EEA1: variants seen among roughly 807,000 people sequenced by gnomAD.
The protein encoded by EEA1 is early endosome antigen 1, 162kD.
EEA1 carries 111 observed loss-of-function variants against 209.2 expected under a neutral mutation model. The observed-to-expected ratio is 0.53, with a 90% CI of 0.45 to 0.62. EEA1 has a LOEUF of 0.62. Among genes scored for constraint, EEA1 ranks in the 20% least tolerant of loss-of-function variants. The pLI is 0.00. For missense variants in EEA1, 1,343 were observed against 1,530.8 expected (o/e 0.88, Z 2.05); for synonymous variants, 536 against 540.6 (o/e 0.99, Z 0.12).
chr12:92,864,199 G>A (rs1878272849), intron 3 of EEA1, among the ~76,000 whole-genome samples: 2 of 151,940 alleles, frequency 1.3e-5, no homozygotes, highest in African/African-American at 2.4e-5. Flanking sequence ...AGTATTCTTT[G>A]TGTTACAGCA....
intron 21 of EEA1, among the ~76,000 whole-genome samples, chr12:92,798,336 A>G (rs1442253828): frequency 1.4e-5 from 2 of 138,092 alleles, no homozygotes; most frequent in Non-Finnish European, 3.3e-5. Flanking sequence ...TAAGTGTTAC[A>G]TTATTATTAT....
intron 13 of EEA1, among the ~76,000 whole-genome samples, chr12:92,824,088 C>T (rs970631153): frequency 6.6e-6 from 1 of 152,200 alleles, no homozygotes; most frequent in Non-Finnish European, 1.5e-5. Flanking sequence ...CAATGACCTC[C>T]ATATTGCCAA....
chr12:92,908,934 C>G lies in EEA1; in HGVS notation c.25-17213G>C, dbSNP rs558713111. Among the ~76,000 whole-genome samples the G allele has an allele frequency of 2.6e-5, 4 of 152,252 alleles. No individual in the cohort carries two copies. The East Asian group carries it at 7.7e-4, about 29-fold the overall frequency. On this transcript the variant is annotated intron_variant, in intron 1 of 28. Coordinates refer to ENST00000322349, the MANE Select transcript of EEA1 (RefSeq NM_003566.4). ...CGCCTCCCAAGTTCTAGCAATTCTCCTGCCTCAGCCTCCTGAGTAGCTAGG... is the reference window on the plus strand; with the variant it reads ...CGCCTCCCAAGTTCTAGCAATTCTCGTGCCTCAGCCTCCTGAGTAGCTAGG...
At position 92,802,745 on chromosome 12, in the gene EEA1, A is replaced by T. The variant is rs1234660517; in HGVS notation, c.2340-11T>A. ...CTTGTACTGGATACTCTAAATATTTAAAAAACAATCTTTTTAAATAACACA... is the reference window on the plus strand; with the variant it reads ...CTTGTACTGGATACTCTAAATATTTTAAAAACAATCTTTTTAAATAACACA... On this transcript the variant is annotated splice_polypyrimidine_tract_variant and intron_variant, in intron 18 of 28. Transcript: ENST00000322349. The T allele has an allele frequency of 6.6e-7, 1 of 1,516,470 alleles. No individual in the cohort carries two copies. The highest frequency in any genetic ancestry group is 8.8e-7 in the Non-Finnish European group (1 of 1,136,882). The allele number at this position is 1,516,470 out of a possible 1,614,324, so 93.9% of individuals were successfully genotyped here. A position where few individuals can be genotyped will look rare whatever the true frequency, so the allele number is the denominator to read the frequency against.
chr12:92,792,554 A>T (rs979263201), intron 21 of EEA1, among the ~76,000 whole-genome samples: 5 of 152,208 alleles, frequency 3.3e-5, no homozygotes, highest in African/African-American at 1.2e-4. Context: ...ATTCCTGGAC[A>T]GATACACCCT....
intron 22 of EEA1, among the ~76,000 whole-genome samples, chr12:92,785,313 C>T (rs1047399091): frequency 2.0e-5 from 3 of 152,240 alleles, no homozygotes; most frequent in Non-Finnish European, 2.9e-5. Flanking sequence ...GGCCAGGCTA[C>T]CTTCCATTCT....
rs895167642 is a variant in EEA1, at chr12:92,819,617, TA to T, written c.1525-107del. ...ATTCTATCACTCAAATACTCAGTCT[TA>T]CATTTTTTAAAACTATTACATTTCA... On this transcript the variant is annotated intron_variant, in intron 13 of 28. Coordinates refer to ENST00000322349, the MANE Select transcript of EEA1 (RefSeq NM_003566.4). 6.6e-6 allele frequency: 5 copies of T among 754,134 alleles called. No homozygotes were observed. The African/African-American group carries it at 8.9e-5, about 13-fold the overall frequency. The allele number at this position is 754,134 out of a possible 1,614,324, so 46.7% of individuals were successfully genotyped here.
chr12:92,896,674 G>A (rs532792244), intron 1 of EEA1, among the ~76,000 whole-genome samples: 7 of 151,804 alleles, frequency 4.6e-5, no homozygotes, highest in Middle Eastern at 6.8e-3. Context: ...GTGGTGGTGC[G>A]TGCCTGTAAT....
intron 1 of EEA1, among the ~76,000 whole-genome samples, chr12:92,898,759 T>A (rs1249700046): frequency 9.9e-6 from 1 of 101,484 alleles, no homozygotes; most frequent in South Asian, 2.9e-4. Flanking sequence ...TTTTTTTTTT[T>A]AGAGACAGGG....
chr12:92,877,542 T>C (rs1399724909), intron 2 of EEA1, among the ~76,000 whole-genome samples: 1 of 152,166 alleles, frequency 6.6e-6, no homozygotes, highest in Non-Finnish European at 1.5e-5. Context: ...TAATTTTTTT[T>C]TTTTGAGACA....
chr12:92,836,620 A>C (rs1324071518), intron 10 of EEA1, among the ~76,000 whole-genome samples: 1 of 152,078 alleles, frequency 6.6e-6, no homozygotes, highest in East Asian at 1.9e-4. Flanking sequence ...ATGCTCTTAC[A>C]TTGTTCTATG....
intron 2 of EEA1, among the ~76,000 whole-genome samples, chr12:92,877,544 T>G (rs1250694715): frequency 1.3e-5 from 2 of 152,158 alleles, no homozygotes; most frequent in African/African-American, 4.8e-5. Context: ...ATTTTTTTTT[T>G]TTGAGACAAA....
chr12:92,881,496 C>A (rs1440502257), intron 2 of EEA1, among the ~76,000 whole-genome samples: 1 of 152,092 alleles, frequency 6.6e-6, no homozygotes, highest in Non-Finnish European at 1.5e-5. Flanking sequence ...ACTACAACAT[C>A]TGGAGGTCAG....
chr12:92,921,759 G>GAAAAA (rs751838383), intron 1 of EEA1, among the ~76,000 whole-genome samples: 5 of 76,716 alleles, frequency 6.5e-5, no homozygotes, highest in African/African-American at 1.0e-4. Flanking sequence ...TAAAAAAAAA[G>GAAAAA]AAAAAAAAAA....
intron 1 of EEA1, among the ~76,000 whole-genome samples, chr12:92,896,929 C>T (rs1879908711): frequency 6.6e-6 from 1 of 152,078 alleles, no homozygotes. Flanking sequence ...AATCCTAGTG[C>T]TTTGGGAGGC....
rs759699197 is a variant in EEA1 at position 92,802,413 on chromosome 12, T to C, written c.2661A>G (p.Ile887Met). 9 of 1,572,876 alleles carry C rather than the reference T, an allele frequency of 5.7e-6. No homozygotes were observed. The East Asian group carries it at 1.6e-4, about 28-fold the overall frequency. Reference sequence around the variant, plus strand: ...AATGTAAACTACTAACCAAGTCTAATATAGCGGCTTTTCCTTTCTGATTCT... The same window carrying C: ...AATGTAAACTACTAACCAAGTCTAACATAGCGGCTTTTCCTTTCTGATTCT... The part of the protein sequence containing the change: ...EKENQKGKAA[I>M]LDLEKTCKEL... Residue 887 changes from isoleucine (I) to methionine (M), a missense_variant, in exon 19 of 29, where the codon ATA becomes ATG. Transcript: ENST00000322349.
chr12:92,866,031 G>A (rs903858729), intron 2 of EEA1, among the ~76,000 whole-genome samples: 5 of 151,556 alleles, frequency 3.3e-5, no homozygotes, highest in African/African-American at 1.2e-4. Context: ...TTACAGGCAT[G>A]AGCCACCATG....
At position 92,883,726 on chromosome 12, in the gene EEA1, G is replaced by A. The variant is rs750952328; in HGVS notation, c.117+7903C>T. 213 of 1,064,354 alleles carry A rather than the reference G, an allele frequency of 2.0e-4. 1 individual carries two copies. The highest frequency in any genetic ancestry group is 2.7e-4 in the Non-Finnish European group (188 of 704,812). 65.9% of individuals were successfully genotyped at this position (1,064,354 alleles called of 1,614,324 possible). A position where few individuals can be genotyped will look rare whatever the true frequency, so the allele number is the denominator to read the frequency against. On this transcript the variant is annotated intron_variant, in intron 2 of 28. Coordinates refer to ENST00000322349, the MANE Select transcript of EEA1 (RefSeq NM_003566.4). Reference sequence around the variant, plus strand: ...CATCAGCTTGTTCTTTTCTGCCCGCGGACGCCACTGAAGAAGCATCGTTAA... The same window carrying A: ...CATCAGCTTGTTCTTTTCTGCCCGCAGACGCCACTGAAGAAGCATCGTTAA...
intron 13 of EEA1, chr12:92,820,921 G>C (rs932856101): frequency 6.6e-6 from 1 of 152,130 alleles, no homozygotes. Context: ...AAGTAGAGGA[G>C]GGTTACCTTT....
Sources: gnomAD v4.1 joint callset for allele counts (sites outside exome capture counted in the v4.1 genomes callset) on GRCh38, gnomAD v4.1.1 for gene constraint, MANE v1.5 for transcripts, NCBI Gene and HGNC (gene_info 2026-07-23, HGNC 2026-07-21) for gene names.